The following CCR3 variants were observed in gnomAD, a reference collection of about 807,000 sequenced individuals.
The protein encoded by CCR3 is C-C chemokine receptor type 3.
For synonymous variants in CCR3, 203 were observed against 179.2 expected (o/e 1.13, Z -1.06); for missense variants, 419 against 437.5 (o/e 0.96, Z 0.38).
Position 46,265,509 on chromosome 3 carries a change from G to A in CCR3, c.351G>A (p.Leu117=). 6.2e-7 allele frequency: 1 copy of A among 1,614,084 alleles called. No individual in the cohort carries two copies. ...KLLSGFYHTG[L]YSEIFFIILL... ...TCTCAGGGTTTTATCACACAGGCTT[G>A]TACAGCGAGATCTTTTTCATAATCC... The change falls in exon 2 of 2, where the codon TTG becomes TTA. Residue 117 remains leucine (L), a synonymous_variant. Transcript: ENST00000395940.
chr3:46,252,321 G>T (rs973937149), intron 1 of CCR3, among the ~76,000 whole-genome samples: 2 of 151,456 alleles, frequency 1.3e-5, no homozygotes, highest in Non-Finnish European at 2.9e-5. Flanking sequence ...AATTACAGGG[G>T]TGCACCACTA....
intron 2 of CCR3, among the ~76,000 whole-genome samples, chr3:46,236,602 GT>G (rs983007813): frequency 8.5e-5 from 13 of 152,358 alleles, no homozygotes; most frequent in African/African-American, 2.2e-4. Context: ...GAGGCTTCCA[GT>G]TCCTCTAATT....
chr3:46,240,013 C>T (rs1002924401), upstream of CCR3, among the ~76,000 whole-genome samples: 2 of 152,232 alleles, frequency 1.3e-5, no homozygotes, highest in Non-Finnish European at 2.9e-5. Flanking sequence ...TCAATCTTAT[C>T]TCCCTCCACT....
chr3:46,238,328 G>A (rs1040960343), upstream of CCR3, among the ~76,000 whole-genome samples: 2 of 151,756 alleles, frequency 1.3e-5, no homozygotes, highest in Non-Finnish European at 2.9e-5. Flanking sequence ...TTTTCCTAAT[G>A]ACTAACAATG....
chr3:46,238,602 T>G (rs1170002905), upstream of CCR3, among the ~76,000 whole-genome samples: 1 of 152,192 alleles, frequency 6.6e-6, no homozygotes, highest in East Asian at 1.9e-4. Flanking sequence ...CTCTTAGTGC[T>G]TTAGCAATAA....
At chr3:46,239,789 G>A (rs1296127568), upstream of CCR3, among the ~76,000 whole-genome samples, 1 of 152,188 alleles carries the variant, frequency 6.6e-6, no homozygotes, top group Non-Finnish European at 1.5e-5. Flanking sequence ...CCCCATGGAG[G>A]CAGCTCTGGG....
chr3:46,235,511 A>C (rs73833033), intron 2 of CCR3, among the ~76,000 whole-genome samples: 24,488 of 152,216 alleles, frequency 0.16, 2,328 homozygotes, highest in African/African-American at 0.25. Context: ...TCACATTGCT[A>C]ATAACTCACT....
intron 1 of CCR3, chr3:46,263,965 T>C (rs1700572749): frequency 6.1e-6 from 1 of 163,168 alleles, no homozygotes. Context: ...GCCTGTATAT[T>C]CACATCTTCA....
chr3:46,231,322 A>G (rs1488143088), intron 2 of CCR3, among the ~76,000 whole-genome samples: 2 of 152,216 alleles, frequency 1.3e-5, no homozygotes, highest in Non-Finnish European at 2.9e-5. Context: ...TCCCTACATG[A>G]CTTTCTGAGA....
At chr3:46,257,086 T>A (rs1049793700) in intron 1 of CCR3, among the ~76,000 whole-genome samples, 1 of 152,156 alleles carries the variant, frequency 6.6e-6, no homozygotes, top group Non-Finnish European at 1.5e-5. Context: ...ATAACTCCAC[T>A]ACTGAAAATG....
chr3:46,250,943 A>C (rs1295437102), intron 1 of CCR3, among the ~76,000 whole-genome samples: 4 of 152,000 alleles, frequency 2.6e-5, no homozygotes, highest in Non-Finnish European at 5.9e-5. Flanking sequence ...GGGTGAGGAA[A>C]TAAGGGATTG....
At chr3:46,230,386 ACTC>A (rs1470998377) in intron 2 of CCR3, among the ~76,000 whole-genome samples, 5 of 151,432 alleles carry the variant, frequency 3.3e-5, no homozygotes, top group Admixed American at 6.6e-5. Flanking sequence ...GAACAGAAAT[ACTC>A]CACCACCCAC....
chr3:46,238,977 C>A (rs909832759), upstream of CCR3, among the ~76,000 whole-genome samples: 1 of 152,118 alleles, frequency 6.6e-6, no homozygotes, highest in South Asian at 2.1e-4. Context: ...GCATAAGGTA[C>A]TTTTTGAGGT....
intron 1 of CCR3, among the ~76,000 whole-genome samples, chr3:46,261,276 A>G (rs1013849712): frequency 2.0e-5 from 3 of 152,250 alleles, no homozygotes; most frequent in African/African-American, 7.2e-5. Context: ...GAAATGTATA[A>G]TGAAAGGGAG....
At chr3:46,218,306 C>A (rs1699798716) in intron 2 of CCR3, among the ~76,000 whole-genome samples, 1 of 150,416 alleles carries the variant, frequency 6.6e-6, no homozygotes, top group Non-Finnish European at 1.5e-5. Context: ...TAACAAGCAG[C>A]AAGATTAAAA....
chr3:46,248,204 A>G (rs1405122235), intron 1 of CCR3, among the ~76,000 whole-genome samples: 1 of 152,184 alleles, frequency 6.6e-6, no homozygotes, highest in East Asian at 1.9e-4. Flanking sequence ...AGTCCGGGCC[A>G]GGAATGATGG....
intron 2 of CCR3, among the ~76,000 whole-genome samples, chr3:46,236,656 T>C (rs1227103343): frequency 6.6e-6 from 1 of 152,222 alleles, no homozygotes; most frequent in Non-Finnish European, 1.5e-5. Context: ...CTGCTGGTTG[T>C]CAAGCTCCCT....
intron 1 of CCR3, among the ~76,000 whole-genome samples, chr3:46,247,917 A>T (rs1285766094): frequency 6.6e-6 from 1 of 152,184 alleles, no homozygotes; most frequent in Non-Finnish European, 1.5e-5. Flanking sequence ...CAGATGGAAC[A>T]CTGAGAAGTG....
At chr3:46,265,031 C>T (rs1270990203) in intron 1 of CCR3, 117 bp from the exon 2 acceptor site, 12 of 678,844 alleles carry the variant, frequency 1.8e-5, no homozygotes, top group African/African-American at 1.3e-4. Context: ...TTAAAGAATC[C>T]CTAGGCTGCT....
Sources: allele counts gnomAD v4.1 joint callset (sites outside exome capture counted in the v4.1 genomes callset), GRCh38; gene constraint gnomAD v4.1.1; transcripts MANE v1.5; gene names NCBI Gene and HGNC (gene_info 2026-07-23, HGNC 2026-07-21).